NPLOC4: variants seen among roughly 807,000 people sequenced by gnomAD.
NPLOC4 encodes NPL4 homolog, ubiquitin recognition factor.
In NPLOC4, 18 loss-of-function variants were observed where a neutral mutation model predicts 80.6. That is an observed-to-expected ratio of 0.22 (90% confidence interval 0.15 to 0.33). The LOEUF is 0.33. Ranked by LOEUF, NPLOC4 falls within the 10% of genes least tolerant of loss-of-function variation. The pLI is 1.00. For missense variants in NPLOC4, 540 were observed against 786.1 expected (o/e 0.69, Z 3.74); for synonymous variants, 313 against 301.5 (o/e 1.04, Z -0.39).
intron 1 of NPLOC4, among the ~76,000 whole-genome samples, chr17:81,636,130 CG>C (rs1223674144): frequency 2.0e-5 from 3 of 152,020 alleles, no homozygotes; most frequent in African/African-American, 7.2e-5. Context: ...CCATGACGCC[CG>C]GCTAATTTTT....
At chr17:81,613,809 T>C (rs908377532) in intron 3 of NPLOC4, among the ~76,000 whole-genome samples, 1 of 151,964 alleles carries the variant, frequency 6.6e-6, no homozygotes, top group Non-Finnish European at 1.5e-5. Flanking sequence ...GGGCCTCTCC[T>C]CCCGCCTCTC....
chr17:81,594,514 C>T (rs1418251871), intron 11 of NPLOC4, among the ~76,000 whole-genome samples: 3 of 152,008 alleles, frequency 2.0e-5, no homozygotes, highest in Non-Finnish European at 4.4e-5. Context: ...CAGTGGCTCA[C>T]GCCTGTCATC....
intron 3 of NPLOC4, among the ~76,000 whole-genome samples, chr17:81,619,161 C>T (rs1464711309): frequency 6.6e-6 from 1 of 150,812 alleles, no homozygotes; most frequent in Admixed American, 6.6e-5. Flanking sequence ...TATGACCCTG[C>T]CAAATCCCCC....
chr17:81,610,384 T>C, intron 4 of NPLOC4, 126 bp from the exon 5 acceptor site: 1 of 750,080 alleles, frequency 1.3e-6, no homozygotes, highest in East Asian at 2.7e-5. Flanking sequence ...ATATTCCAGA[T>C]GGCACATGGA....
In NPLOC4 at chr17:81,580,269, C is replaced by T. The variant is rs1049020837; in HGVS notation, c.1282-8181G>A. Among the ~76,000 whole-genome samples the T allele has an allele frequency of 3.3e-5, 5 of 152,186 alleles. No homozygotes were observed. In the East Asian group the frequency reaches 9.6e-4, roughly 29 times the overall value. ...GCACTAGCACATCGCCGACAGATCC[C>T]CAGCCTTCCAGCCTGGCCTGGACAC... On this transcript the variant is annotated intron_variant, in intron 12 of 16. Transcript: ENST00000331134. The surrounding 1 kb of genome is among the most constrained non-coding windows in gnomAD (Gnocchi z 4.4).
chr17:81,611,436 G>A (rs1245058848), intron 4 of NPLOC4, among the ~76,000 whole-genome samples: 5 of 150,998 alleles, frequency 3.3e-5, no homozygotes, highest in South Asian at 2.1e-4. Context: ...TGCAACCTCC[G>A]CCTCCTCGTT....
rs890300085 is a variant in NPLOC4, at chr17:81,637,065, C to T, written c.-135G>A. On this transcript the variant is annotated 5_prime_UTR_variant, in exon 1 of 17. Transcript: ENST00000331134. The stretch of plus-strand genomic sequence containing the variant: ...CGCCGCCACCGCCGCTCCAGCTTCG[C>T]CCGCCCGGCTCCGCCAGCCGCCGAC... The T allele has an allele frequency of 5.0e-5, 22 of 440,396 alleles. No individual in the cohort carries two copies. The highest frequency in any genetic ancestry group is 7.0e-5 in the Non-Finnish European group (20 of 284,980). 27.3% of individuals were successfully genotyped at this position (440,396 alleles called of 1,614,324 possible).
rs9894429 is a variant in NPLOC4, at chr17:81,629,785, C to A, written c.36G>T (p.Pro12=). The part of the protein sequence containing the change: ...AESIIIRVQS[P]DGVKRITATK... ...TTGCTGTGATCCGCTTCACTCCATC[C>A]GGGGACTGGACACGAATTATCTGTT... Residue 12 remains proline (P), a synonymous_variant, in exon 2 of 17, where the codon CCG becomes CCT. Transcript: ENST00000331134. 6.2e-7 allele frequency: 1 copy of A among 1,613,192 alleles called. No homozygotes were observed. Among genetic ancestry groups the A allele is most frequent in the Non-Finnish European group, 8.5e-7 (1 of 1,179,382 alleles).
Position 81,558,973 on chromosome 17 carries a change from T to G in NPLOC4, c.*286A>C, listed in dbSNP as rs556274393. The G allele has an allele frequency of 6.0e-4, 203 of 339,386 alleles. No homozygotes were observed. The highest frequency in any genetic ancestry group is 1.3e-3 in the South Asian group (18 of 13,938). 21.0% of individuals were successfully genotyped at this position (339,386 alleles called of 1,614,324 possible). Reference sequence around the variant, plus strand: ...AGGTGCCACGTAGAGGCGAGAGGTCTTTCCAACACGGCGGGGGACTTGTCA... The same window carrying G: ...AGGTGCCACGTAGAGGCGAGAGGTCGTTCCAACACGGCGGGGGACTTGTCA... On this transcript the variant is annotated 3_prime_UTR_variant, in exon 17 of 17. Coordinates refer to ENST00000331134, the MANE Select transcript of NPLOC4 (RefSeq NM_017921.4).
chr17:81,587,694 G>C (rs1477523139), intron 12 of NPLOC4, among the ~76,000 whole-genome samples: 1 of 90,608 alleles, frequency 1.1e-5, no homozygotes, highest in Non-Finnish European at 2.2e-5. Flanking sequence ...TTTTTTTTGA[G>C]ACAGAGTCTA....
intron 2 of NPLOC4, among the ~76,000 whole-genome samples, chr17:81,628,773 T>C (rs1238343612): frequency 6.6e-6 from 1 of 152,112 alleles, no homozygotes; most frequent in African/African-American, 2.4e-5. Flanking sequence ...TTGTGATTGG[T>C]TAAAAAAAGA....
At position 81,572,141 on chromosome 17, in the gene NPLOC4, T is replaced by C. The variant is rs889953731; in HGVS notation, c.1282-53A>G. ...GAGCAAAGACGATCAGTAGTAATGA[T>C]TTTCCTTTCACATGCTTGTCTCACC... On this transcript the variant is annotated intron_variant, in intron 12 of 16. Coordinates refer to ENST00000331134, the MANE Select transcript of NPLOC4 (RefSeq NM_017921.4). This position sits in a 1 kb window ranked among gnomAD's most constrained non-coding sequence, Gnocchi z 4.5. 3 of 1,139,414 alleles carry C rather than the reference T, an allele frequency of 2.6e-6. No individual in the cohort carries two copies. Among genetic ancestry groups the C allele is most frequent in the African/African-American group, 3.1e-5 (2 of 63,542 alleles). 70.6% of individuals were successfully genotyped at this position (1,139,414 alleles called of 1,614,324 possible).
chr17:81,589,212 T>C, intron 11 of NPLOC4, 108 bp from the exon 12 acceptor site: 1 of 986,518 alleles, frequency 1.0e-6, no homozygotes, highest in Non-Finnish European at 1.5e-6. Context: ...CCCTCAAGAG[T>C]TTGTCGGGGG....
chr17:81,581,789 T>C (rs111818424), intron 12 of NPLOC4, among the ~76,000 whole-genome samples: 15,887 of 152,248 alleles, frequency 0.1, 1,134 homozygotes, highest in Non-Finnish European at 0.15. Flanking sequence ...CTGGAGGCTG[T>C]GTGATCTCTG....
rs575809676 is a variant in NPLOC4, at chr17:81,567,288, C to G, written c.1566+129G>C. The G allele has an allele frequency of 5.1e-5, 33 of 646,032 alleles. No individual in the cohort carries two copies. The South Asian group carries it at 5.8e-4, about 11-fold the overall frequency. The allele number at this position is 646,032 out of a possible 1,614,324, so 40.0% of individuals were successfully genotyped here. A position where few individuals can be genotyped will look rare whatever the true frequency, so the allele number is the denominator to read the frequency against. On this transcript the variant is annotated intron_variant, in intron 15 of 16. Coordinates refer to ENST00000331134, the MANE Select transcript of NPLOC4 (RefSeq NM_017921.4). The surrounding 1 kb of genome is among the most constrained non-coding windows in gnomAD (Gnocchi z 4.5). ...CCCATAGGACAAATGAGGGGGACAA[C>G]CTGTGACCCCGAGCTTTGACCCAGT...
intron 11 of NPLOC4, among the ~76,000 whole-genome samples, chr17:81,589,363 T>C (rs764008925): frequency 6.6e-6 from 1 of 151,854 alleles, no homozygotes; most frequent in Non-Finnish European, 1.5e-5. Flanking sequence ...ACCCCGTCCC[T>C]ACTAAAAATA....
intron 11 of NPLOC4, among the ~76,000 whole-genome samples, chr17:81,590,549 T>C (rs2034711476): frequency 6.6e-6 from 1 of 152,188 alleles, no homozygotes; most frequent in African/African-American, 2.4e-5. Context: ...TCTTACTATG[T>C]TACCCAGGCT....
At chr17:81,621,462 C>A (rs2035665966) in intron 3 of NPLOC4, among the ~76,000 whole-genome samples, 1 of 152,184 alleles carries the variant, frequency 6.6e-6, no homozygotes, top group Non-Finnish European at 1.5e-5. Context: ...GCACATGCAA[C>A]CTGCAGCGTC....
rs1164029184 is a variant in NPLOC4, at chr17:81,572,172, TTTAA to T, written c.1282-88_1282-85del. On this transcript the variant is annotated intron_variant, in intron 12 of 16. Coordinates refer to ENST00000331134, the MANE Select transcript of NPLOC4 (RefSeq NM_017921.4). This position sits in a 1 kb window ranked among gnomAD's most constrained non-coding sequence, Gnocchi z 4.5. ...TTTCACATGCTTGTCTCACCTTTTA[TTTAA>T]TTAATTAATTTATTTATTTATTTAT... 87 of 590,476 alleles carry T rather than the reference TTTAA, an allele frequency of 1.5e-4. No homozygotes were observed. The highest frequency in any genetic ancestry group is 1.3e-3 in the East Asian group (38 of 29,100). 36.6% of individuals were successfully genotyped at this position (590,476 alleles called of 1,614,324 possible).
Sources: allele counts gnomAD v4.1 joint callset (sites outside exome capture counted in the v4.1 genomes callset), GRCh38; gene constraint gnomAD v4.1.1; non-coding constraint Gnocchi (gnomAD v3.1); transcripts MANE v1.5; gene names NCBI Gene and HGNC (gene_info 2026-07-23, HGNC 2026-07-21).